Variants in ADAMTS19 observed in about 807,000 individuals in gnomAD.
The protein encoded by ADAMTS19 is A disintegrin and metalloproteinase with thrombospondin motifs 19.
Under a neutral mutation model 153.3 loss-of-function variants are expected in ADAMTS19, and 93 were observed. That is an observed-to-expected ratio of 0.61 (90% CI 0.51 to 0.72). The LOEUF (loss-of-function observed/expected upper bound fraction) is 0.72. ADAMTS19 is among the 30% of genes least tolerant of loss of function. The pLI is 0.00. For missense variants in ADAMTS19, 1,482 were observed against 1,552.1 expected (o/e 0.95, Z 0.76); for synonymous variants, 600 against 556.6 (o/e 1.08, Z -1.10).
intron 2 of ADAMTS19, among the ~76,000 whole-genome samples, chr5:129,496,649 CT>C (rs2126701509): frequency 6.6e-6 from 1 of 152,146 alleles, no homozygotes; most frequent in South Asian, 2.1e-4. Context: ...AGCTGTGCAG[CT>C]TTCTCAGTGG....
At chr5:129,678,959 A>C (rs561047525) in intron 16 of ADAMTS19, among the ~76,000 whole-genome samples, 1 of 152,302 alleles carries the variant, frequency 6.6e-6, no homozygotes, top group Non-Finnish European at 1.5e-5. Flanking sequence ...GTAAAGTTGT[A>C]TGGAAGAGTC....
intron 18 of ADAMTS19, among the ~76,000 whole-genome samples, chr5:129,694,073 A>C (rs1755451283): frequency 6.6e-6 from 1 of 152,204 alleles, no homozygotes; most frequent in Admixed American, 6.5e-5. Flanking sequence ...ATGGAAATAG[A>C]GCTTTCCACC....
At position 129,464,777 on chromosome 5, in the gene ADAMTS19, A is replaced by G. The variant is rs368607394; in HGVS notation, c.747+3020A>G. Among the ~76,000 whole-genome samples, 28 of 152,296 alleles carry G rather than the reference A, an allele frequency of 1.8e-4. No homozygotes were observed. In the East Asian group the frequency reaches 2.3e-3, roughly 13 times the overall value. On this transcript the variant is annotated intron_variant, in intron 2 of 22. Transcript: ENST00000274487. The stretch of plus-strand genomic sequence containing the variant: ...ATCTCTCTCTATATAAAATGTACAA[A>G]TTGTACTTATATATCTAGCAATTGA...
At chr5:129,685,298 T>C (rs1420735082) in intron 18 of ADAMTS19, among the ~76,000 whole-genome samples, 1 of 151,974 alleles carries the variant, frequency 6.6e-6, no homozygotes, top group Non-Finnish European at 1.5e-5. Context: ...ACTTGGGGTA[T>C]GCCACCATTT....
chr5:129,618,697 A>C (rs1029427714), intron 8 of ADAMTS19, among the ~76,000 whole-genome samples: 14 of 152,144 alleles, frequency 9.2e-5, no homozygotes, highest in Non-Finnish European at 5.9e-5. Flanking sequence ...CAATATAGAT[A>C]TTCTTGTGAA....
chr5:129,543,040 G>GTTTTTT (rs201935631), intron 6 of ADAMTS19, among the ~76,000 whole-genome samples: 13 of 144,810 alleles, frequency 9.0e-5, no homozygotes, highest in Non-Finnish European at 1.7e-4. Context: ...TGTTGTTGTT[G>GTTTTTT]TTGTTTTGTT....
intron 6 of ADAMTS19, among the ~76,000 whole-genome samples, chr5:129,530,072 T>C (rs761704737): frequency 1.1e-4 from 16 of 152,118 alleles, no homozygotes; most frequent in Non-Finnish European, 2.2e-4. Flanking sequence ...GATGAGCCAG[T>C]AATTGAACTG....
At chr5:129,465,699 G>T (rs1369887889) in intron 2 of ADAMTS19, among the ~76,000 whole-genome samples, 1 of 152,070 alleles carries the variant, frequency 6.6e-6, no homozygotes, top group Non-Finnish European at 1.5e-5. Context: ...TGGGTAAAGA[G>T]AAATAAACAC....
intron 6 of ADAMTS19, among the ~76,000 whole-genome samples, chr5:129,540,862 A>G (rs556446508): frequency 6.6e-6 from 1 of 152,190 alleles, no homozygotes; most frequent in Admixed American, 6.6e-5. Context: ...TGTCATTTCT[A>G]TAAATTCACA....
intron 21 of ADAMTS19, among the ~76,000 whole-genome samples, chr5:129,720,168 ATATTTAT>A (rs1272744230): frequency 7.8e-6 from 1 of 128,196 alleles, no homozygotes; most frequent in African/African-American, 3.0e-5. Flanking sequence ...ATATATATAT[ATATTTAT>A]TTTTTTTTTT....
intron 2 of ADAMTS19, among the ~76,000 whole-genome samples, chr5:129,487,637 G>T (rs1249536636): frequency 6.6e-6 from 1 of 151,984 alleles, no homozygotes; most frequent in Non-Finnish European, 1.5e-5. Flanking sequence ...GGATTTAGAG[G>T]TTTTGTGTTT....
At chr5:129,658,351 A>AAGAAAGAGAGAGAGAGAGAGAGAGAGAG (rs1554103338) in intron 14 of ADAMTS19, among the ~76,000 whole-genome samples, 5 of 133,130 alleles carry the variant, frequency 3.8e-5, no homozygotes, top group Non-Finnish European at 3.2e-5. Context: ...GAAAGAAAGA[A>AAGAAAGAGAGAGAGAGAGAGAGAGAGAG]AGAAAGAAAG....
intron 12 of ADAMTS19, 110 bp downstream of exon 12, chr5:129,648,005 C>A: frequency 2.5e-6 from 3 of 1,217,542 alleles, no homozygotes; most frequent in South Asian, 2.3e-5. Context: ...ACTCTACTCA[C>A]GTTGGAAAAC....
intron 21 of ADAMTS19, among the ~76,000 whole-genome samples, chr5:129,715,608 T>C (rs77350861): frequency 0.013 from 2,037 of 152,260 alleles, 49 homozygotes; most frequent in African/African-American, 0.046. Context: ...TTATCTGTAG[T>C]GGGAGGTAAG....
intron 2 of ADAMTS19, among the ~76,000 whole-genome samples, chr5:129,483,528 A>G (rs925971464): frequency 6.6e-6 from 1 of 152,198 alleles, no homozygotes; most frequent in Non-Finnish European, 1.5e-5. Context: ...ATGTATGCAG[A>G]CATTGCCAGA....
At chr5:129,603,597 T>C (rs1561596573) in intron 8 of ADAMTS19, among the ~76,000 whole-genome samples, 1 of 152,184 alleles carries the variant, frequency 6.6e-6, no homozygotes, top group Non-Finnish European at 1.5e-5. Context: ...TAAGATATTG[T>C]ACAATATCTA....
intron 7 of ADAMTS19, among the ~76,000 whole-genome samples, chr5:129,566,909 G>A (rs545089774): frequency 6.6e-6 from 1 of 152,066 alleles, no homozygotes; most frequent in East Asian, 2.0e-4. Context: ...CTGCTTGTAC[G>A]TGGAAACAGA....
intron 14 of ADAMTS19, among the ~76,000 whole-genome samples, chr5:129,658,347 A>AAGAAAGAAAGAGAGAGAGAG (rs1753665821): frequency 8.6e-6 from 1 of 115,990 alleles, no homozygotes; most frequent in African/African-American, 3.7e-5. Context: ...GAAAGAAAGA[A>AAGAAAGAAAGAGAGAGAGAG]AGAAAGAAAG....
intron 7 of ADAMTS19, among the ~76,000 whole-genome samples, chr5:129,595,989 C>A (rs1024002013): frequency 2.0e-5 from 3 of 151,868 alleles, no homozygotes; most frequent in Non-Finnish European, 4.4e-5. Flanking sequence ...CTATGCAACA[C>A]ACCATTTAGC....
Sources: gnomAD v4.1 joint callset for allele counts (sites outside exome capture counted in the v4.1 genomes callset) on GRCh38, gnomAD v4.1.1 for gene constraint, MANE v1.5 for transcripts, NCBI Gene and HGNC (gene_info 2026-07-23, HGNC 2026-07-21) for gene names.